The following WDFY2 variants were observed in gnomAD, a reference collection of about 807,000 sequenced individuals.
The protein encoded by WDFY2 is WD repeat and FYVE domain-containing protein 2.
In WDFY2, 36 loss-of-function variants were observed where a neutral mutation model predicts 56.4. The ratio of observed to expected loss-of-function variants is 0.64; its 90% CI spans 0.49 to 0.84. The LOEUF (loss-of-function observed/expected upper bound fraction) is 0.84. WDFY2 is among the 40% of genes least tolerant of loss of function. The pLI is 0.00. For synonymous variants in WDFY2, 176 were observed against 183.7 expected (o/e 0.96, Z 0.34); for missense variants, 444 against 512.2 (o/e 0.87, Z 1.29).
intron 2 of WDFY2, among the ~76,000 whole-genome samples, chr13:51,666,426 C>A (rs1220465869): frequency 6.6e-6 from 1 of 152,168 alleles, no homozygotes; most frequent in Admixed American, 6.5e-5. Flanking sequence ...CAGAACTTCC[C>A]AGCCTATGTG....
chr13:51,634,140 A>G (rs1184287459), intron 1 of WDFY2, among the ~76,000 whole-genome samples: 2 of 152,360 alleles, frequency 1.3e-5, no homozygotes, highest in East Asian at 3.9e-4. Context: ...TTAGAGGACC[A>G]TTGTAAAGAT....
intron 4 of WDFY2, among the ~76,000 whole-genome samples, chr13:51,716,616 C>A (rs941234948): frequency 6.8e-6 from 1 of 147,010 alleles, no homozygotes; most frequent in Non-Finnish European, 1.5e-5. Flanking sequence ...TGGCGTGAAC[C>A]CGGGAGGCGG....
intron 1 of WDFY2, among the ~76,000 whole-genome samples, chr13:51,617,921 G>C (rs1269695622): frequency 6.6e-6 from 1 of 152,164 alleles, no homozygotes; most frequent in Non-Finnish European, 1.5e-5. Flanking sequence ...ATTTACAAAA[G>C]ATAAAGCTGC....
chr13:51,614,389 A>G (rs1449584117), intron 1 of WDFY2, among the ~76,000 whole-genome samples: 1 of 152,216 alleles, frequency 6.6e-6, no homozygotes, highest in African/African-American at 2.4e-5. Context: ...TGACTCATTC[A>G]CAATGTCTTA....
At position 51,617,319 on chromosome 13, in the gene WDFY2, A is replaced by G. The variant is rs767788495; in HGVS notation, c.137+32495A>G. 4.6e-5 allele frequency among the ~76,000 whole-genome samples: 7 copies of G among 152,182 alleles called. No individual in the cohort carries two copies. The East Asian group carries it at 9.7e-4, about 21-fold the overall frequency. On this transcript the variant is annotated intron_variant, in intron 1 of 11. Transcript: ENST00000298125. The stretch of plus-strand genomic sequence containing the variant: ...GGAAATCTTTTTAGATCCTTTATAT[A>G]TGAAGTCCAAGTACAGAATTCTTTT...
In WDFY2 at chr13:51,719,325, C is replaced by A. The variant is rs185708846; in HGVS notation, c.462C>A (p.Thr154=). The change falls in exon 5 of 12, where the codon ACC becomes ACA. Residue 154 remains threonine (T), a synonymous_variant. Transcript: ENST00000298125. ...GGCAGCGCCTGGGAGGTTATCGGACCAGTGCTGTGGCCTCAGGCCTGCAGT... is the reference window on the plus strand; with the variant it reads ...GGCAGCGCCTGGGAGGTTATCGGACAAGTGCTGTGGCCTCAGGCCTGCAGT... ...ESGQRLGGYR[T]SAVASGLQFD... 17 of 1,608,690 alleles carry A rather than the reference C, an allele frequency of 1.1e-5. No homozygotes were observed. The highest frequency in any genetic ancestry group is 1.0e-4 in the Admixed American group (6 of 59,332).
chr13:51,698,054 G>A (rs2138569963), intron 3 of WDFY2, among the ~76,000 whole-genome samples: 1 of 152,228 alleles, frequency 6.6e-6, no homozygotes. Flanking sequence ...GTACACAAAA[G>A]GAAAGTGAAG....
intron 1 of WDFY2, among the ~76,000 whole-genome samples, chr13:51,610,245 T>G (rs1954471762): frequency 6.6e-6 from 1 of 151,700 alleles, no homozygotes; most frequent in Non-Finnish European, 1.5e-5. Context: ...TGACTGTTTT[T>G]TTTTTTTTTG....
chr13:51,747,748 C>G (rs921300250), intron 7 of WDFY2, among the ~76,000 whole-genome samples: 2 of 152,164 alleles, frequency 1.3e-5, no homozygotes, highest in African/African-American at 4.8e-5. Flanking sequence ...CCAGGCTGGT[C>G]TCAAACTTCT....
At chr13:51,722,056 T>C (rs1259702905) in intron 5 of WDFY2, among the ~76,000 whole-genome samples, 1 of 144,742 alleles carries the variant, frequency 6.9e-6, no homozygotes, top group African/African-American at 2.6e-5. Flanking sequence ...CGTTGTTTGT[T>C]GTTTGTTTGT....
In WDFY2 at chr13:51,600,113, G is replaced by T. The variant is rs184739111; in HGVS notation, c.137+15289G>T. The stretch of plus-strand genomic sequence containing the variant: ...GAAATTATTTCTCTTCTGCCCTGTG[G>T]TCCTTATCATTGTATCTCTCAAGAC... On this transcript the variant is annotated intron_variant, in intron 1 of 11. Transcript: ENST00000298125. 5.1e-4 allele frequency among the ~76,000 whole-genome samples: 77 copies of T among 152,158 alleles called. 1 individual carries two copies. The highest frequency in any genetic ancestry group is 7.9e-4 in the Non-Finnish European group (54 of 68,022).
At chr13:51,708,480 A>G (rs1311250928) in intron 4 of WDFY2, among the ~76,000 whole-genome samples, 2 of 152,116 alleles carry the variant, frequency 1.3e-5, no homozygotes, top group Non-Finnish European at 2.9e-5. Flanking sequence ...CCCTGTCTCT[A>G]AATAATAGAA....
intron 4 of WDFY2, among the ~76,000 whole-genome samples, chr13:51,707,714 C>A (rs895673105): frequency 2.6e-5 from 4 of 151,746 alleles, no homozygotes; most frequent in Non-Finnish European, 4.4e-5. Context: ...AGGTTTTTTT[C>A]ATATGTTGTA....
chr13:51,692,871 A>C (rs553744704), intron 3 of WDFY2, among the ~76,000 whole-genome samples: 31 of 152,184 alleles, frequency 2.0e-4, no homozygotes, highest in African/African-American at 7.0e-4. Context: ...ACAATTTCAG[A>C]GCCTGTTATT....
At chr13:51,721,676 G>A (rs928909764) in intron 5 of WDFY2, among the ~76,000 whole-genome samples, 10 of 152,122 alleles carry the variant, frequency 6.6e-5, no homozygotes, top group Middle Eastern at 3.2e-3. Context: ...GTGGTAGAGA[G>A]CTGCAGTACT....
At position 51,759,793 on chromosome 13, in the gene WDFY2, A is replaced by T. The variant is rs914091831; in HGVS notation, c.*24A>T. Reference sequence around the variant, plus strand: ...GATGACTCTCCCAGGAATCAGAAAGATAGTATTTACTAAAGAAACGGTTGT... The same window carrying T: ...GATGACTCTCCCAGGAATCAGAAAGTTAGTATTTACTAAAGAAACGGTTGT... On this transcript the variant is annotated 3_prime_UTR_variant, in exon 12 of 12. Coordinates refer to ENST00000298125, the MANE Select transcript of WDFY2 (RefSeq NM_052950.4). 6.2e-7 allele frequency: 1 copy of T among 1,612,772 alleles called. No homozygotes were observed. Among genetic ancestry groups the T allele is most frequent in the African/African-American group, 1.3e-5 (1 of 74,886 alleles).
chr13:51,719,102 G>A, intron 4 of WDFY2, 96 bp from the exon 5 acceptor site: 1 of 1,535,474 alleles, frequency 6.5e-7, no homozygotes, highest in South Asian at 1.2e-5. Flanking sequence ...GCTTATTCTG[G>A]GGTGGGGAGA....
At chr13:51,660,801 A>AT in intron 2 of WDFY2, 138 bp downstream of exon 2, 1 of 691,738 alleles carries the variant, frequency 1.4e-6, no homozygotes, top group Non-Finnish European at 2.4e-6. Context: ...ATCATTTTAG[A>AT]TTTTCTAAGG....
intron 8 of WDFY2, chr13:51,753,179 A>G (rs1953276088): frequency 6.6e-6 from 1 of 152,284 alleles, no homozygotes; most frequent in Admixed American, 6.5e-5. Context: ...GCAGGAGCAC[A>G]TGGGCTTTGC....
Sources: allele counts gnomAD v4.1 joint callset (sites outside exome capture counted in the v4.1 genomes callset), GRCh38; gene constraint gnomAD v4.1.1; transcripts MANE v1.5; gene names NCBI Gene and HGNC (gene_info 2026-07-23, HGNC 2026-07-21).